GRIK2: variants seen among roughly 807,000 people sequenced by gnomAD.
GRIK2 encodes glutamate ionotropic receptor kainate type subunit 2.
In GRIK2, 32 loss-of-function variants were observed where a neutral mutation model predicts 100.3. That is an observed-to-expected ratio of 0.32 (90% CI 0.24 to 0.43). The LOEUF is 0.43. Ranked by LOEUF, GRIK2 falls within the 20% of genes least tolerant of loss-of-function variation. The pLI is 1.00. For missense variants in GRIK2, 843 were observed against 1,114.9 expected (o/e 0.76, Z 3.47); for synonymous variants, 417 against 389.4 (o/e 1.07, Z -0.83).
At chr6:101,618,333 A>G (rs1203231354) in intron 2 of GRIK2, among the ~76,000 whole-genome samples, 3 of 151,594 alleles carry the variant, frequency 2.0e-5, no homozygotes, top group South Asian at 4.1e-4. Flanking sequence ...ATTTTTCTCT[A>G]TTAATTTTTC....
At chr6:101,892,943 A>G (rs1341419024) in intron 12 of GRIK2, among the ~76,000 whole-genome samples, 1 of 151,414 alleles carries the variant, frequency 6.6e-6, no homozygotes, top group African/African-American at 2.4e-5. Flanking sequence ...GAACATCCAA[A>G]AATCAAATGA....
At chr6:101,709,923 C>G (rs1334848537) in intron 7 of GRIK2, among the ~76,000 whole-genome samples, 1 of 151,770 alleles carries the variant, frequency 6.6e-6, no homozygotes. Flanking sequence ...CAGCCTTTCT[C>G]TCATAGGGGT....
At chr6:101,442,728 A>G (rs1284468119) in intron 2 of GRIK2, among the ~76,000 whole-genome samples, 2 of 152,102 alleles carry the variant, frequency 1.3e-5, no homozygotes, top group African/African-American at 4.8e-5. Flanking sequence ...CCCTACCTTT[A>G]TAGCATGAAA....
intron 14 of GRIK2, among the ~76,000 whole-genome samples, chr6:102,006,578 A>C (rs1203042121): frequency 6.6e-6 from 1 of 151,524 alleles, no homozygotes; most frequent in African/African-American, 2.4e-5. Flanking sequence ...ATGTTGCCCA[A>C]GCTGGTTCCA....
At chr6:101,637,370 G>A (rs1006546676) in intron 4 of GRIK2, among the ~76,000 whole-genome samples, 3 of 152,024 alleles carry the variant, frequency 2.0e-5, no homozygotes, top group Admixed American at 6.6e-5. Flanking sequence ...ATCTTTGCCC[G>A]AAATTTGCTT....
At chr6:101,914,654 A>C (rs1041836125) in intron 12 of GRIK2, among the ~76,000 whole-genome samples, 8 of 151,402 alleles carry the variant, frequency 5.3e-5, no homozygotes, top group Non-Finnish European at 1.2e-4. Context: ...ACTCTTTCTA[A>C]TTGGAAACCT....
chr6:102,024,397 C>T (rs1769583449), intron 14 of GRIK2, among the ~76,000 whole-genome samples: 2 of 151,212 alleles, frequency 1.3e-5, no homozygotes, highest in Non-Finnish European at 3.0e-5. Context: ...TAAAAATTGG[C>T]AAACACTACA....
chr6:101,510,923 T>TA (rs1268482143), intron 2 of GRIK2, among the ~76,000 whole-genome samples: 4 of 152,080 alleles, frequency 2.6e-5, no homozygotes, highest in Admixed American at 6.6e-5. Context: ...CTACGATATA[T>TA]AAAAAAGAAC....
At chr6:101,905,254 T>C (rs191967137) in intron 12 of GRIK2, among the ~76,000 whole-genome samples, 1 of 151,692 alleles carries the variant, frequency 6.6e-6, no homozygotes, top group Non-Finnish European at 1.5e-5. Context: ...ATGGCTCATC[T>C]TAAAATGAAT....
chr6:101,511,106 A>G (rs1179823189), intron 2 of GRIK2, among the ~76,000 whole-genome samples: 1 of 152,210 alleles, frequency 6.6e-6, no homozygotes, highest in Admixed American at 6.5e-5. Context: ...CCAGGTAAAT[A>G]TCTTTTGGAA....
At position 101,980,205 on chromosome 6, in the gene GRIK2, G is replaced by C. The variant is rs369821762; in HGVS notation, c.2085+51573G>C. Among the ~76,000 whole-genome samples the C allele has an allele frequency of 5.0e-4, 76 of 152,010 alleles. 1 individual carries two copies. In the South Asian group the frequency reaches 0.013, roughly 27 times the overall value. On this transcript the variant is annotated intron_variant, in intron 14 of 16. Coordinates refer to ENST00000369134, the MANE Select transcript of GRIK2 (RefSeq NM_021956.5). The stretch of plus-strand genomic sequence containing the variant: ...CCCAAAACACAGAGCTTCTGAGGCT[G>C]TTCAAAGAGCAAATATTTTTGGAAA...
At position 101,585,990 on chromosome 6, in the gene GRIK2, A is replaced by G. The variant is rs148423234; in HGVS notation, c.116-35959A>G. Among the ~76,000 whole-genome samples the G allele has an allele frequency of 4.6e-5, 7 of 152,196 alleles. No homozygotes were observed. The East Asian group carries it at 1.4e-3, about 29-fold the overall frequency. The stretch of plus-strand genomic sequence containing the variant: ...ATTACTATTATTAAAATATAAAATT[A>G]GAGGAAAGAAAAGAGGGAGATTAAA... On this transcript the variant is annotated intron_variant, in intron 2 of 16. Transcript: ENST00000369134.
chr6:101,870,003 C>T (rs1412920299), intron 11 of GRIK2, among the ~76,000 whole-genome samples: 1 of 151,890 alleles, frequency 6.6e-6, no homozygotes, highest in African/African-American at 2.4e-5. Flanking sequence ...AGGTACAGGA[C>T]TTATTCAACT....
intron 7 of GRIK2, among the ~76,000 whole-genome samples, chr6:101,697,658 T>G (rs1179664045): frequency 6.6e-6 from 1 of 152,036 alleles, no homozygotes; most frequent in African/African-American, 2.4e-5. Context: ...ATGCCTGTAG[T>G]AGAAGACTAT....
chr6:101,876,484 AACAC>A (rs34929195), intron 11 of GRIK2, among the ~76,000 whole-genome samples: 41,779 of 148,598 alleles, frequency 0.28, 6,888 homozygotes, highest in East Asian at 0.79. Context: ...AACAAAAACA[AACAC>A]ACACACACAC....
intron 7 of GRIK2, among the ~76,000 whole-genome samples, chr6:101,708,805 C>T (rs904045717): frequency 6.6e-6 from 1 of 151,422 alleles, no homozygotes; most frequent in Non-Finnish European, 1.5e-5. Context: ...CCAGTTTTTC[C>T]TCTGCTATAG....
chr6:101,793,672 T>G (rs1269483677), intron 7 of GRIK2, among the ~76,000 whole-genome samples: 1 of 152,114 alleles, frequency 6.6e-6, no homozygotes, highest in Non-Finnish European at 1.5e-5. Context: ...GGGACCCAGT[T>G]GAGGAGGCAG....
chr6:101,436,880 A>T (rs964020044), intron 2 of GRIK2, among the ~76,000 whole-genome samples: 23 of 151,168 alleles, frequency 1.5e-4, no homozygotes, highest in African/African-American at 5.6e-4. Context: ...AAAGTCCTAT[A>T]TAATTTAAAA....
intron 2 of GRIK2, among the ~76,000 whole-genome samples, chr6:101,494,971 T>TATATATATATATATA (rs1773349547): frequency 1.9e-5 from 2 of 107,980 alleles, no homozygotes; most frequent in Non-Finnish European, 3.8e-5. Context: ...ATATATGCAT[T>TATATATATATATATA]TATATATATA....
Sources: gnomAD v4.1 joint callset for allele counts (sites outside exome capture counted in the v4.1 genomes callset) on GRCh38, gnomAD v4.1.1 for gene constraint, MANE v1.5 for transcripts, NCBI Gene and HGNC (gene_info 2026-07-23, HGNC 2026-07-21) for gene names.